TRIQK: variants seen among roughly 807,000 people sequenced by gnomAD.
TRIQK encodes the protein triple QxxK/R motif containing.
Under a neutral mutation model 10.8 loss-of-function variants are expected in TRIQK, and 10 were observed. The ratio of observed to expected loss-of-function variants is 0.92; its 90% CI spans 0.57 to 1.57. The LOEUF is 1.57. TRIQK is among the 40% of genes most tolerant of loss of function. TRIQK has a pLI of 0.00. For missense variants in TRIQK, 107 were observed against 97.7 expected (o/e 1.09, Z -0.40); for synonymous variants, 33 against 33.7 (o/e 0.98, Z 0.07).
chr8:93,000,378 A>G (rs1056355334), intron 1 of TRIQK, among the ~76,000 whole-genome samples: 1 of 152,208 alleles, frequency 6.6e-6, no homozygotes, highest in Admixed American at 6.5e-5. Context: ...AGAAAGATCA[A>G]AGGCACATCT....
intron 1 of TRIQK, chr8:92,974,618 A>C (rs2130739774): frequency 6.6e-6 from 1 of 152,304 alleles, no homozygotes; most frequent in South Asian, 2.1e-4. Context: ...CAAAGACTGA[A>C]CCATAAGGTA....
At chr8:93,002,407 GATAAAA>G (rs1563454795) in intron 1 of TRIQK, among the ~76,000 whole-genome samples, 2 of 151,918 alleles carry the variant, frequency 1.3e-5, no homozygotes, top group African/African-American at 2.4e-5. Flanking sequence ...TAAAATCAGA[GATAAAA>G]ATAAACAACA....
chr8:92,894,171 CT>C (rs2130285936), intron 3 of TRIQK, among the ~76,000 whole-genome samples: 2 of 152,114 alleles, frequency 1.3e-5, no homozygotes, highest in Non-Finnish European at 2.9e-5. Flanking sequence ...ATACCTGGTA[CT>C]TTTCCAAGCA....
At chr8:92,996,953 A>T (rs1213753345) in intron 1 of TRIQK, among the ~76,000 whole-genome samples, 1 of 152,018 alleles carries the variant, frequency 6.6e-6, no homozygotes, top group Non-Finnish European at 1.5e-5. Flanking sequence ...GGAGTAATCA[A>T]TATACAGGCA....
chr8:92,910,609 T>G (rs937757397), intron 3 of TRIQK, among the ~76,000 whole-genome samples: 2 of 151,092 alleles, frequency 1.3e-5, no homozygotes, highest in East Asian at 3.9e-4. Context: ...TATCATTAAT[T>G]TATAGATTAA....
chr8:92,935,240 T>C lies in TRIQK; in HGVS notation c.-21-18230A>G, dbSNP rs542270998. ...AGCTAGCAAATGAAAATACGAAAAA[T>C]ATACTTTTGAATAAACTGTTCAAGA... On this transcript the variant is annotated intron_variant, in intron 2 of 4. Transcript: ENST00000521988. Among the ~76,000 whole-genome samples, 6 of 151,772 alleles carry C rather than the reference T, an allele frequency of 4.0e-5. No homozygotes were observed. In the South Asian group the frequency reaches 1.2e-3, roughly 31 times the overall value.
intron 4 of TRIQK, among the ~76,000 whole-genome samples, chr8:92,891,344 T>G (rs955449597): frequency 1.3e-5 from 2 of 151,956 alleles, no homozygotes; most frequent in Non-Finnish European, 2.9e-5. Flanking sequence ...AGTTGCCAAA[T>G]TAATTCTTCT....
chr8:93,009,886 C>T (rs1813314263), intron 1 of TRIQK, among the ~76,000 whole-genome samples: 1 of 151,998 alleles, frequency 6.6e-6, no homozygotes, highest in South Asian at 2.1e-4. Flanking sequence ...ACCTAAGTGT[C>T]CAACACTTAG....
chr8:92,962,623 G>C (rs1444551381), intron 1 of TRIQK, among the ~76,000 whole-genome samples: 1 of 152,062 alleles, frequency 6.6e-6, no homozygotes, highest in Non-Finnish European at 1.5e-5. Context: ...TCTGGAAATG[G>C]AAAACCAGAG....
chr8:92,901,231 T>C (rs1010118691), intron 3 of TRIQK, among the ~76,000 whole-genome samples: 1 of 152,148 alleles, frequency 6.6e-6, no homozygotes, highest in Non-Finnish European at 1.5e-5. Context: ...AATTTGGATG[T>C]CCTTTCTTTC....
chr8:92,886,575 G>A lies in TRIQK; in HGVS notation c.*47C>T. On this transcript the variant is annotated 3_prime_UTR_variant, in exon 5 of 5. Coordinates refer to ENST00000521988, the MANE Select transcript of TRIQK (RefSeq NM_001171797.2). Reference sequence around the variant, plus strand: ...GTATTGAAAGTTTTGGTCCCAAAAGGTGCTTTCGTAAAGTTATTTCTCTTT... The same window carrying A: ...GTATTGAAAGTTTTGGTCCCAAAAGATGCTTTCGTAAAGTTATTTCTCTTT... The A allele has an allele frequency of 1.6e-6, 2 of 1,217,074 alleles. No homozygotes were observed. The highest frequency in any genetic ancestry group is 2.3e-6 in the Non-Finnish European group (2 of 885,632). The allele number at this position is 1,217,074 out of a possible 1,614,324, so 75.4% of individuals were successfully genotyped here.
At chr8:92,950,018 A>G (rs977410883) in intron 2 of TRIQK, among the ~76,000 whole-genome samples, 1 of 152,162 alleles carries the variant, frequency 6.6e-6, no homozygotes, top group Non-Finnish European at 1.5e-5. Flanking sequence ...ACTTAATTAC[A>G]TATACGATGT....
upstream of TRIQK, among the ~76,000 whole-genome samples, chr8:92,966,880 C>T (rs1336028182): frequency 6.7e-6 from 1 of 149,244 alleles, no homozygotes; most frequent in Non-Finnish European, 1.5e-5. Context: ...ATTATGCAAC[C>T]TCCAATTTAA....
chr8:93,002,616 A>G (rs2130757855), intron 1 of TRIQK, among the ~76,000 whole-genome samples: 1 of 152,282 alleles, frequency 6.6e-6, no homozygotes, highest in East Asian at 1.9e-4. Context: ...AGTAATAAAA[A>G]GTGTCTTATA....
chr8:92,970,722 C>A (rs1812865749), upstream of TRIQK, among the ~76,000 whole-genome samples: 1 of 152,126 alleles, frequency 6.6e-6, no homozygotes, highest in Non-Finnish European at 1.5e-5. Flanking sequence ...GGATAGACTG[C>A]AAAAATTGTC....
upstream of TRIQK, among the ~76,000 whole-genome samples, chr8:92,968,392 G>T (rs1411545130): frequency 6.6e-6 from 1 of 152,084 alleles, no homozygotes; most frequent in African/African-American, 2.4e-5. Flanking sequence ...CTTCTACAAT[G>T]GTTGAACTAA....
intron 2 of TRIQK, among the ~76,000 whole-genome samples, chr8:92,948,707 G>C (rs928610821): frequency 3.3e-5 from 5 of 152,168 alleles, no homozygotes; most frequent in Non-Finnish European, 7.3e-5. Context: ...TCTGCACATA[G>C]TATATACTCA....
At chr8:92,956,653 G>A (rs991586384) in intron 1 of TRIQK, among the ~76,000 whole-genome samples, 19 of 151,752 alleles carry the variant, frequency 1.3e-4, no homozygotes, top group Non-Finnish European at 1.8e-4. Context: ...TTATAAAAAT[G>A]TAATAAACCT....
At chr8:93,012,311 A>G (rs1813342990) in intron 1 of TRIQK, among the ~76,000 whole-genome samples, 1 of 152,152 alleles carries the variant, frequency 6.6e-6, no homozygotes, top group Non-Finnish European at 1.5e-5. Flanking sequence ...CATTTAACCA[A>G]ATACACAGAA....
Sources: allele counts gnomAD v4.1 joint callset (sites outside exome capture counted in the v4.1 genomes callset), GRCh38; gene constraint gnomAD v4.1.1; transcripts MANE v1.5; gene names NCBI Gene and HGNC (gene_info 2026-07-23, HGNC 2026-07-21).